CMA1: variants seen among roughly 807,000 people sequenced by gnomAD.
The protein encoded by CMA1 is chymase 1.
CMA1 carries 24 observed loss-of-function variants against 18.8 expected under a neutral mutation model. The ratio of observed to expected loss-of-function variants is 1.28; its 90% CI spans 0.92 to 1.80. The LOEUF (loss-of-function observed/expected upper bound fraction) is 1.80. Ranked by LOEUF, CMA1 falls within the 40% of genes most tolerant of loss-of-function variation. The pLI is 0.00. For synonymous variants in CMA1, 152 were observed against 117.0 expected, an observed-to-expected ratio of 1.30 and a Z score of -1.93; for missense variants, 421 against 302.8, an observed-to-expected ratio of 1.39 and a Z score of -2.90.
At position 24,508,164 on chromosome 14, in the gene CMA1, AC is replaced by A. The variant is rs1566533315; in HGVS notation, c.58+13del. On this transcript the variant is annotated intron_variant, in intron 1 of 4. Transcript: ENST00000250378. Reference sequence around the variant, plus strand: ...GATACTGCAGATTTCAGAGGGAAGAACCCTGATACTCACCAGCTTCAGCTCT... The same window carrying A: ...GATACTGCAGATTTCAGAGGGAAGAACCTGATACTCACCAGCTTCAGCTCT... 2 of 1,612,658 alleles carry A rather than the reference AC, an allele frequency of 1.2e-6. No individual in the cohort carries two copies. The highest frequency in any genetic ancestry group is 1.1e-5 in the South Asian group (1 of 90,886).
rs769517576 is a variant in CMA1, at chr14:24,505,487, T to C, written c.*29A>G. The C allele has an allele frequency of 2.1e-5, 34 of 1,613,744 alleles. No homozygotes were observed. The highest frequency in any genetic ancestry group is 2.2e-5 in the Non-Finnish European group (26 of 1,179,978). ...TTGCTGCTCAGGTCCAGTTCCAGCT[T>C]CCCTTTCAGGCTGGCTCAGGATCCA... On this transcript the variant is annotated 3_prime_UTR_variant, in exon 5 of 5. Transcript: ENST00000250378.
chr14:24,506,673 A>C, intron 2 of CMA1, 69 bp from the exon 3 acceptor site: 1 of 1,570,286 alleles, frequency 6.4e-7, no homozygotes, highest in Non-Finnish European at 8.6e-7. Flanking sequence ...AGGTGAGCTC[A>C]TTCTGAGAAA....
intron 2 of CMA1, 68 bp from the exon 3 acceptor site, chr14:24,506,672 C>A: frequency 6.4e-7 from 1 of 1,571,606 alleles, no homozygotes; most frequent in South Asian, 1.2e-5. Context: ...GAGGTGAGCT[C>A]ATTCTGAGAA....
chr14:24,506,198 A>G lies in CMA1; in HGVS notation c.430T>C (p.Cys144Arg), dbSNP rs2043853810. The G allele has an allele frequency of 9.3e-6, 15 of 1,614,060 alleles. No individual in the cohort carries two copies. The highest frequency in any genetic ancestry group is 1.3e-5 in the Non-Finnish European group (15 of 1,180,036). ...QFNFVPPGRM[C>R]RVAGWGRTGV... ...GTTCTTCCCCAGCCAGCCACCCGGCACATTCTCCCAGGTGGGACAAAGTTG... is the reference window on the plus strand; with the variant it reads ...GTTCTTCCCCAGCCAGCCACCCGGCGCATTCTCCCAGGTGGGACAAAGTTG... Residue 144 changes from cysteine (C) to arginine (R), a missense_variant, in exon 4 of 5, where the codon TGC (cysteine) becomes CGC (arginine). Coordinates refer to ENST00000250378, the MANE Select transcript of CMA1 (RefSeq NM_001836.5).
rs144325776 is a variant in CMA1 at position 24,506,635 on chromosome 14, C to A, written c.210-31G>T. The A allele has an allele frequency of 8.7e-6, 14 of 1,610,362 alleles. No homozygotes were observed. The South Asian group carries it at 1.4e-4, about 16-fold the overall frequency. Reference sequence around the variant, plus strand: ...GTGAGGAAGAAGGAAGGAAAAGGAGCGACAGTGATGGCTTGGGGTTTCTTC... The same window carrying A: ...GTGAGGAAGAAGGAAGGAAAAGGAGAGACAGTGATGGCTTGGGGTTTCTTC... On this transcript the variant is annotated intron_variant, in intron 2 of 4. Coordinates refer to ENST00000250378, the MANE Select transcript of CMA1 (RefSeq NM_001836.5).
chr14:24,506,113 G>A lies in CMA1; in HGVS notation c.515C>T (p.Pro172Leu), dbSNP rs1311456411. The A allele has an allele frequency of 1.2e-6, 2 of 1,614,186 alleles. No individual in the cohort carries two copies. The highest frequency in any genetic ancestry group is 4.5e-5 in the East Asian group (2 of 44,880). Residue 172 changes from proline to leucine, a missense_variant, in exon 4 of 5, where the codon CCC becomes CTC. Pro to Leu is a moderately conservative substitution (Grantham distance 98, BLOSUM62 -3). Transcript: ENST00000250378. ...LQEVKLRLMD[P>L]QACSHFRDFD... The stretch of plus-strand genomic sequence containing the variant: ...GTCTCTGAAGTGGCTGCAGGCCTGG[G>A]GATCCATGAGTCTCAGCTTCACCTC...
rs554951628 is a variant in CMA1 at position 24,506,649 on chromosome 14, T to G, written c.210-45A>C. 2.1e-5 allele frequency: 33 copies of G among 1,607,226 alleles called. No individual in the cohort carries two copies. In the African/African-American group the frequency reaches 4.3e-4, roughly 21 times the overall value. On this transcript the variant is annotated intron_variant, in intron 2 of 4. Transcript: ENST00000250378. ...AGGAAAAGGAGCGACAGTGATGGCT[T>G]GGGGTTTCTTCTGAGGTGAGCTCAT... is the stretch of plus-strand genomic sequence containing the variant.
intron 2 of CMA1, among the ~76,000 whole-genome samples, 156 bp from the exon 3 acceptor site, chr14:24,506,760 G>T (rs1359304000): frequency 6.6e-6 from 1 of 152,138 alleles, no homozygotes; most frequent in East Asian, 1.9e-4. Context: ...GCATTTGAGG[G>T]CTCAGGCTTA....
intron 2 of CMA1, 148 bp downstream of exon 2, chr14:24,507,208 G>T: frequency 1.1e-6 from 1 of 911,494 alleles, no homozygotes; most frequent in Non-Finnish European, 1.7e-6. Flanking sequence ...TTCAAACACA[G>T]ACTAAAGTCT....
chr14:24,506,728 C>G lies in CMA1; in HGVS notation c.210-124G>C, dbSNP rs117449126. On this transcript the variant is annotated intron_variant, in intron 2 of 4. Transcript: ENST00000250378. ...CTGGGTCGCCGGACTCTACCCATCT[C>G]CCTTTTCATGGGCCACTTGTGGCAT... 55 of 1,190,466 alleles carry G rather than the reference C, an allele frequency of 4.6e-5. No homozygotes were observed. In the East Asian group the frequency reaches 1.1e-3, roughly 23 times the overall value. The allele number at this position is 1,190,466 out of a possible 1,614,324, so 73.7% of individuals were successfully genotyped here.
At chr14:24,506,396 T>G in intron 3 of CMA1, 73 bp downstream of exon 3, 3 of 1,598,760 alleles carry the variant, frequency 1.9e-6, no homozygotes. Context: ...TAAGAAAAAT[T>G]CAGGGCAATG....
chr14:24,506,320 G>T (rs749132959), intron 3 of CMA1, 38 bp from the exon 4 acceptor site: 77 of 1,605,290 alleles, frequency 4.8e-5, no homozygotes, highest in Non-Finnish European at 6.0e-5. Flanking sequence ...CCTCGAAATG[G>T]GCTCTGGACA....
chr14:24,507,619 G>A (rs534546137), intron 1 of CMA1, 113 bp from the exon 2 acceptor site: 1 of 1,260,888 alleles, frequency 7.9e-7, no homozygotes, highest in East Asian at 2.4e-5. Flanking sequence ...CTCACCCTGT[G>A]TTCCGCCCAT....
chr14:24,507,557 A>T lies in CMA1; in HGVS notation c.59-51T>A, dbSNP rs373177306. On this transcript the variant is annotated intron_variant, in intron 1 of 4. Coordinates refer to ENST00000250378, the MANE Select transcript of CMA1 (RefSeq NM_001836.5). Reference sequence around the variant, plus strand: ...AACACGGCCATAGATACTCTCTCCAATGAATGGACAAATTGGGTTAAAGCT... The same window carrying T: ...AACACGGCCATAGATACTCTCTCCATTGAATGGACAAATTGGGTTAAAGCT... 42 of 1,569,464 alleles carry T rather than the reference A, an allele frequency of 2.7e-5. No homozygotes were observed. In the African/African-American group the frequency reaches 5.6e-4, roughly 21 times the overall value.
At chr14:24,508,033 C>A in intron 1 of CMA1, 145 bp downstream of exon 1, 1 of 732,226 alleles carries the variant, frequency 1.4e-6, no homozygotes, top group Non-Finnish European at 2.3e-6. Context: ...GGTGGGGTGG[C>A]ACACATCCCA....
chr14:24,507,485 T>C lies in CMA1; in HGVS notation c.80A>G (p.Glu27Gly), dbSNP rs748509171. ...GTAGGGGCGGGAATGTGGCTTGCAT[T>C]CTGTGCCCCCGATGATCTCCCCTGG... ...AEAGEIIGGTECKPHSRPYMA... is the reference protein window; with the variant it reads ...AEAGEIIGGTGCKPHSRPYMA... The change falls in exon 2 of 5, where the codon GAA becomes GGA. Residue 27 changes from glutamate (E) to glycine (G), a missense_variant. Glu to Gly is a moderately conservative substitution (Grantham distance 98). Transcript: ENST00000250378. The C allele has an allele frequency of 1.9e-6, 3 of 1,614,080 alleles. No individual in the cohort carries two copies. The South Asian group carries it at 3.3e-5, about 18-fold the overall frequency.
At chr14:24,505,910 C>T (rs2138397008) in intron 4 of CMA1, 118 bp downstream of exon 4, 1 of 1,390,074 alleles carries the variant, frequency 7.2e-7, no homozygotes. Context: ...GGGAGGACAG[C>T]AATTCCTGTG....
intron 2 of CMA1, among the ~76,000 whole-genome samples, chr14:24,506,859 G>T (rs1235447557): frequency 2.0e-5 from 3 of 152,156 alleles, no homozygotes; most frequent in African/African-American, 7.2e-5. Flanking sequence ...AGGACTCAGG[G>T]GACAGGGTTC....
At position 24,505,415 on chromosome 14, in the gene CMA1, G is replaced by A. The variant is rs5250; in HGVS notation, c.*101C>T. 174,779 of 1,480,586 alleles carry A rather than the reference G, an allele frequency of 0.12. 11,013 individuals are homozygous for A. Among genetic ancestry groups the A allele is most frequent in the African/African-American group, 0.21 (14,828 of 72,174 alleles). 91.7% of individuals were successfully genotyped at this position (1,480,586 alleles called of 1,614,324 possible). A position where few individuals can be genotyped will look rare whatever the true frequency, so the allele number is the denominator to read the frequency against. On this transcript the variant is annotated 3_prime_UTR_variant, in exon 5 of 5. Transcript: ENST00000250378. ...TGTAGGATACTTCTGGAGGCTTAGGGTTGTGGCTGAGGGACCAAGGGTAGA... is the reference window on the plus strand; with the variant it reads ...TGTAGGATACTTCTGGAGGCTTAGGATTGTGGCTGAGGGACCAAGGGTAGA...
Sources: allele counts gnomAD v4.1 joint callset (sites outside exome capture counted in the v4.1 genomes callset), GRCh38; gene constraint gnomAD v4.1.1; transcripts MANE v1.5; gene names NCBI Gene and HGNC (gene_info 2026-07-23, HGNC 2026-07-21).